Variants in NEDD4L observed in about 807,000 individuals in gnomAD.
NEDD4L encodes the protein NEDD4 like E3 ubiquitin protein ligase.
NEDD4L carries 54 observed loss-of-function variants against 148.9 expected under a neutral mutation model. The ratio of observed to expected loss-of-function variants is 0.36; its 90% confidence interval spans 0.29 to 0.45. The LOEUF is 0.45. Ranked by LOEUF, NEDD4L falls within the 20% of genes least tolerant of loss-of-function variation. The pLI is 1.00. For synonymous variants in NEDD4L, 433 were observed against 440.7 expected (o/e 0.98, Z 0.22); for missense variants, 856 against 1,233.8 (o/e 0.69, Z 4.59).
At chr18:58,273,308 A>G (rs2051350494) in intron 5 of NEDD4L, among the ~76,000 whole-genome samples, 2 of 152,348 alleles carry the variant, frequency 1.3e-5, no homozygotes, top group Middle Eastern at 3.4e-3. Flanking sequence ...AGCCTGGGAA[A>G]AGTCAGCAAT....
intron 22 of NEDD4L, among the ~76,000 whole-genome samples, chr18:58,369,640 G>A (rs935455521): frequency 2.0e-5 from 3 of 152,170 alleles, no homozygotes; most frequent in Non-Finnish European, 4.4e-5. Context: ...GGTGCCTGGT[G>A]GGGGGATGAA....
chr18:58,365,953 G>A (rs2046064727), intron 20 of NEDD4L, 46 bp from the exon 21 acceptor site: 3 of 1,334,974 alleles, frequency 2.2e-6, no homozygotes, highest in African/African-American at 1.5e-5. Context: ...AAAACAAAGT[G>A]TGTATTTACT....
chr18:58,364,176 G>GAAT (rs2045846533), intron 19 of NEDD4L, 92 bp from the exon 20 acceptor site: 8 of 757,132 alleles, frequency 1.1e-5, no homozygotes, highest in Non-Finnish European at 1.6e-5. Flanking sequence ...TACGGTTTAT[G>GAAT]ACTCATGAAA....
intron 2 of NEDD4L, among the ~76,000 whole-genome samples, chr18:58,191,325 G>A (rs2040090588): frequency 6.6e-6 from 1 of 152,132 alleles, no homozygotes; most frequent in South Asian, 2.1e-4. Context: ...TATTTGACAT[G>A]CTTTATTGCT....
At chr18:58,222,844 A>T (rs1170411360) in intron 2 of NEDD4L, among the ~76,000 whole-genome samples, 1 of 152,224 alleles carries the variant, frequency 6.6e-6, no homozygotes, top group Non-Finnish European at 1.5e-5. Context: ...ATTCTTTAAT[A>T]CTTATTTCAC....
chr18:58,195,544 C>T, intron 2 of NEDD4L: 2 of 1,340,830 alleles, frequency 1.5e-6, no homozygotes, highest in African/African-American at 1.5e-5. Flanking sequence ...CTGCAGAGCC[C>T]TGTCCACGCG....
intron 1 of NEDD4L, among the ~76,000 whole-genome samples, chr18:58,075,178 G>A (rs895810480): frequency 6.6e-6 from 1 of 152,190 alleles, no homozygotes; most frequent in Admixed American, 6.5e-5. Flanking sequence ...GAGCAAAGGG[G>A]AAGTCATTTT....
chr18:58,272,411 A>G (rs562960747), intron 5 of NEDD4L, among the ~76,000 whole-genome samples: 402 of 152,294 alleles, frequency 2.6e-3, no homozygotes, highest in Non-Finnish European at 4.5e-3. Flanking sequence ...CGAGGCAGAT[A>G]GATCGTTTAA....
intron 5 of NEDD4L, among the ~76,000 whole-genome samples, chr18:58,309,508 C>A (rs2057429843): frequency 6.6e-6 from 1 of 152,044 alleles, no homozygotes. Context: ...ATGGACAGTC[C>A]AGGTGAGGAT....
intron 2 of NEDD4L, among the ~76,000 whole-genome samples, chr18:58,203,578 T>C (rs558366697): frequency 2.8e-4 from 42 of 150,354 alleles, no homozygotes; most frequent in Non-Finnish European, 5.4e-4. Context: ...GGGTTTTCTT[T>C]TTAAAGACAG....
intron 30 of NEDD4L, 103 bp from the exon 31 acceptor site, chr18:58,396,060 TGTTG>T: frequency 1.5e-6 from 1 of 670,770 alleles, no homozygotes; most frequent in Non-Finnish European, 2.5e-6. Flanking sequence ...TAATCAAAAT[TGTTG>T]GTTAAGGCTT....
At chr18:58,390,776 C>A (rs2049707979) in intron 29 of NEDD4L, 34 bp downstream of exon 29, 1 of 1,475,704 alleles carries the variant, frequency 6.8e-7, no homozygotes, top group East Asian at 2.4e-5. Flanking sequence ...AGTTGTCCTC[C>A]TGGGAATTTC....
intron 1 of NEDD4L, among the ~76,000 whole-genome samples, chr18:58,144,036 T>C (rs1417230982): frequency 1.3e-5 from 2 of 152,116 alleles, no homozygotes; most frequent in Non-Finnish European, 2.9e-5. Context: ...TCTCTTGTTT[T>C]TGTTTTCTTT....
chr18:58,255,715 G>C, intron 5 of NEDD4L: 4 of 1,232,460 alleles, frequency 3.2e-6, no homozygotes, highest in Non-Finnish European at 4.0e-6. Flanking sequence ...TCCTAGACCA[G>C]GAGAGAGAAG....
intron 2 of NEDD4L, among the ~76,000 whole-genome samples, chr18:58,226,276 C>T (rs938474953): frequency 6.6e-6 from 1 of 152,188 alleles, no homozygotes; most frequent in East Asian, 1.9e-4. Context: ...GTAGTTTAGA[C>T]TTAGAAGTAA....
chr18:58,331,034 C>T, intron 11 of NEDD4L, 120 bp downstream of exon 11: 1 of 977,508 alleles, frequency 1.0e-6, no homozygotes, highest in Non-Finnish European at 1.5e-6. Context: ...CTAACTCTGA[C>T]ATTTTCCAAA....
intron 1 of NEDD4L, among the ~76,000 whole-genome samples, chr18:58,065,965 A>C (rs926665833): frequency 6.6e-6 from 1 of 152,240 alleles, no homozygotes; most frequent in Non-Finnish European, 1.5e-5. Flanking sequence ...CCCAAGGTAT[A>C]TGTAATGGCA....
chr18:58,084,710 T>TGTGTG (rs1599157510), intron 1 of NEDD4L, among the ~76,000 whole-genome samples: 1 of 150,746 alleles, frequency 6.6e-6, no homozygotes, highest in African/African-American at 2.4e-5. Context: ...TGTGTGTGTG[T>TGTGTG]TTGAGACAGG....
intron 5 of NEDD4L, among the ~76,000 whole-genome samples, chr18:58,267,984 T>C (rs1050691948): frequency 6.6e-6 from 1 of 152,046 alleles, no homozygotes; most frequent in Non-Finnish European, 1.5e-5. Context: ...TTGCCCCTAC[T>C]GTGGGGGCCA....
Sources: allele counts gnomAD v4.1 joint callset (sites outside exome capture counted in the v4.1 genomes callset), GRCh38; gene constraint gnomAD v4.1.1; transcripts MANE v1.5; gene names NCBI Gene and HGNC (gene_info 2026-07-23, HGNC 2026-07-21).